The following MOB3B variants were observed in gnomAD, a reference collection of about 807,000 sequenced individuals.
MOB3B encodes the protein MOB kinase activator 3B.
Under a neutral mutation model 18.7 loss-of-function variants are expected in MOB3B, and 7 were observed. The ratio of observed to expected loss-of-function variants is 0.37; its 90% CI spans 0.21 to 0.70. MOB3B has a LOEUF of 0.70. Ranked by LOEUF, MOB3B falls within the 30% of genes least tolerant of loss-of-function variation. MOB3B has a pLI of 0.52. For missense variants in MOB3B, 253 were observed against 281.3 expected (o/e 0.90, Z 0.72); for synonymous variants, 111 against 99.9 (o/e 1.11, Z -0.66).
chr9:27,389,518 C>T (rs562609449), intron 2 of MOB3B, among the ~76,000 whole-genome samples: 231 of 152,216 alleles, frequency 1.5e-3, no homozygotes, highest in African/African-American at 5.2e-3. Context: ...CTCTGACCAC[C>T]TTTTCTAATG....
Position 27,455,504 on chromosome 9 carries a change from C to T in MOB3B, c.47G>A (p.Arg16Gln), listed in dbSNP as rs138812584. 7.4e-6 allele frequency: 12 copies of T among 1,614,024 alleles called. No homozygotes were observed. The highest frequency in any genetic ancestry group is 1.3e-5 in the African/African-American group (1 of 74,900). The stretch of plus-strand genomic sequence containing the variant: ...GCCAGGTTCAAATTTCCTCTTGGGT[C>T]GGAAGGTCTTGTCCTTGTTGAATAC... ...KQVFNKDKTFRPKRKFEPGTQ... is the reference protein window; with the variant it reads ...KQVFNKDKTFQPKRKFEPGTQ... The change falls in exon 2 of 4, where the codon CGA becomes CAA. Residue 16 changes from arginine (R) to glutamine (Q), a missense_variant. Transcript: ENST00000262244.
intron 1 of MOB3B, among the ~76,000 whole-genome samples, chr9:27,498,319 T>C (rs1224295604): frequency 6.6e-6 from 1 of 152,112 alleles, no homozygotes; most frequent in Non-Finnish European, 1.5e-5. Context: ...CAACCTACTG[T>C]GAGGTACAAG....
rs1820500455 is a variant in MOB3B, at chr9:27,529,672, C to T, written c.-316G>A. On this transcript the variant is annotated 5_prime_UTR_variant, in exon 1 of 4. Coordinates refer to ENST00000262244, the MANE Select transcript of MOB3B (RefSeq NM_024761.5). ...GTGGGGCGTCGCTTGCCAATCCACG[C>T]AAGGGACTCTGCCGCCGGTGCGCGA... 1.4e-5 allele frequency: 14 copies of T among 985,452 alleles called. No homozygotes were observed. Among genetic ancestry groups the T allele is most frequent in the Non-Finnish European group, 1.7e-5 (14 of 829,932 alleles). The allele number at this position is 985,452 out of a possible 1,614,324, so 61.0% of individuals were successfully genotyped here. A position where few individuals can be genotyped will look rare whatever the true frequency, so the allele number is the denominator to read the frequency against.
Position 27,326,250 on chromosome 9 carries a change from T to G in MOB3B, c.*4337A>C. 1 of 386,484 alleles carries G rather than the reference T, an allele frequency of 2.6e-6. No individual in the cohort carries two copies. Among genetic ancestry groups the G allele is most frequent in the Non-Finnish European group, 4.6e-6 (1 of 218,886 alleles). 23.9% of individuals were successfully genotyped at this position (386,484 alleles called of 1,614,324 possible). A position where few individuals can be genotyped will look rare whatever the true frequency, so the allele number is the denominator to read the frequency against. ...GCTTTGGGAAGGTTTCACGTTGAGT[T>G]ACATCAGTGGTCAACAATGGAGCAA... On this transcript the variant is annotated 3_prime_UTR_variant, in exon 4 of 4. Coordinates refer to ENST00000262244, the MANE Select transcript of MOB3B (RefSeq NM_024761.5).
intron 1 of MOB3B, among the ~76,000 whole-genome samples, chr9:27,470,392 C>T (rs933138461): frequency 2.6e-5 from 4 of 152,146 alleles, no homozygotes; most frequent in Non-Finnish European, 4.4e-5. Context: ...CTTGATCAAT[C>T]GGACAACTCC....
chr9:27,421,917 A>G (rs541482496), intron 2 of MOB3B, among the ~76,000 whole-genome samples: 15 of 152,014 alleles, frequency 9.9e-5, no homozygotes, highest in Admixed American at 7.9e-4. Flanking sequence ...ACTTATCACC[A>G]CCTGACATCT....
chr9:27,371,549 T>C (rs1160877127), intron 2 of MOB3B, among the ~76,000 whole-genome samples: 11 of 152,328 alleles, frequency 7.2e-5, no homozygotes, highest in African/African-American at 2.6e-4. Context: ...ATCTTATCTC[T>C]GGGTCAAAGT....
At chr9:27,444,009 A>G (rs1037571951) in intron 2 of MOB3B, among the ~76,000 whole-genome samples, 8 of 152,114 alleles carry the variant, frequency 5.3e-5, no homozygotes, top group African/African-American at 1.7e-4. Flanking sequence ...ATCTAAGAAC[A>G]TTATATGGCA....
At chr9:27,394,231 C>T (rs895305778) in intron 2 of MOB3B, 3 of 152,050 alleles carry the variant, frequency 2.0e-5, no homozygotes, top group Non-Finnish European at 4.4e-5. Context: ...GCCAAATATC[C>T]TGTCGTCAAG....
chr9:27,490,946 T>A (rs1263782600), intron 1 of MOB3B, among the ~76,000 whole-genome samples: 1 of 149,616 alleles, frequency 6.7e-6, no homozygotes, highest in Non-Finnish European at 1.5e-5. Context: ...AAAAAGAGTA[T>A]TTATCAAAGC....
intron 3 of MOB3B, among the ~76,000 whole-genome samples, chr9:27,343,700 C>CTTTTTT (rs58115889): frequency 8.6e-4 from 107 of 123,942 alleles, no homozygotes; most frequent in African/African-American, 3.0e-3. Context: ...GAATTTTAGC[C>CTTTTTT]TTTTTTTTTT....
chr9:27,417,985 G>C (rs1416853507), intron 2 of MOB3B, among the ~76,000 whole-genome samples: 1 of 150,292 alleles, frequency 6.7e-6, no homozygotes, highest in Non-Finnish European at 1.5e-5. Flanking sequence ...CCAGCTACTT[G>C]GGAGGCTGAG....
intron 3 of MOB3B, among the ~76,000 whole-genome samples, chr9:27,344,799 GTGCT>G: frequency 6.6e-6 from 1 of 152,246 alleles, no homozygotes; most frequent in Non-Finnish European, 1.5e-5. Context: ...CCTTCTGGAT[GTGCT>G]GTGAGCACTC....
At chr9:27,448,316 G>T (rs1563871288) in intron 2 of MOB3B, among the ~76,000 whole-genome samples, 1 of 152,146 alleles carries the variant, frequency 6.6e-6, no homozygotes, top group African/African-American at 2.4e-5. Context: ...ACATAATGCA[G>T]GTGTATTAGT....
intron 3 of MOB3B, among the ~76,000 whole-genome samples, chr9:27,341,091 G>T (rs1035817947): frequency 7.9e-5 from 12 of 152,216 alleles, no homozygotes; most frequent in Non-Finnish European, 4.4e-5. Flanking sequence ...TCTCACATTT[G>T]CTTCTGTCAT....
At chr9:27,334,364 A>G (rs1439901113) in intron 3 of MOB3B, among the ~76,000 whole-genome samples, 2 of 152,158 alleles carry the variant, frequency 1.3e-5, no homozygotes, top group African/African-American at 4.8e-5. Context: ...AAGACCGGTT[A>G]TTTAAAAAAC....
chr9:27,379,639 C>T (rs1243412366), intron 2 of MOB3B, among the ~76,000 whole-genome samples: 1 of 152,122 alleles, frequency 6.6e-6, no homozygotes, highest in African/African-American at 2.4e-5. Flanking sequence ...CAAGTGAGAC[C>T]TGGTCCAAAG....
chr9:27,488,071 A>T (rs2131484178), intron 1 of MOB3B, among the ~76,000 whole-genome samples: 1 of 152,252 alleles, frequency 6.6e-6, no homozygotes. Context: ...CATCATGATG[A>T]TTATTTATCT....
chr9:27,448,118 A>T (rs998711487), intron 2 of MOB3B, among the ~76,000 whole-genome samples: 2 of 152,148 alleles, frequency 1.3e-5, no homozygotes, highest in Non-Finnish European at 2.9e-5. Flanking sequence ...TGGGGTAAGA[A>T]CACCACAGAC....
Sources: gnomAD v4.1 joint callset for allele counts (sites outside exome capture counted in the v4.1 genomes callset) on GRCh38, gnomAD v4.1.1 for gene constraint, MANE v1.5 for transcripts, NCBI Gene and HGNC (gene_info 2026-07-23, HGNC 2026-07-21) for gene names.